Variants in RAB9A observed in about 807,000 individuals in gnomAD.
RAB9A encodes the protein ras-related protein Rab-9A.
A neutral mutation model predicts 10.3 loss-of-function variants in RAB9A; 1 was observed. That is an observed-to-expected ratio of 0.10 (90% CI 0.03 to 0.46). The LOEUF (loss-of-function observed/expected upper bound fraction) is 0.46. RAB9A is among the 20% of genes least tolerant of loss of function. The pLI is 0.96. For missense variants in RAB9A, 92 were observed against 150.3 expected (o/e 0.61, Z 2.03); for synonymous variants, 39 against 55.2 (o/e 0.71, Z 1.30).
chrX:13,693,325 A>G (rs1012268413), intron 1 of RAB9A, among the ~76,000 whole-genome samples: 2 of 112,494 alleles, frequency 1.8e-5, no homozygotes, highest in African/African-American at 6.5e-5. Flanking sequence ...GGCCATCAAC[A>G]GAGAACATTT....
At chrX:13,696,511 A>C (rs1437740076) in intron 1 of RAB9A, among the ~76,000 whole-genome samples, 4 of 112,271 alleles carry the variant, frequency 3.6e-5, no homozygotes, top group Non-Finnish European at 7.5e-5. Context: ...AATTCACTAT[A>C]TACTAGCTGG....
At chrX:13,698,242 C>G (rs1225414706) in intron 1 of RAB9A, among the ~76,000 whole-genome samples, 1 of 100,820 alleles carries the variant, frequency 9.9e-6, no homozygotes, top group African/African-American at 3.7e-5. Context: ...CTTTCCCACT[C>G]CCCCCACCAC....
intron 2 of RAB9A, among the ~76,000 whole-genome samples, chrX:13,708,328 A>C (rs1424360978): frequency 1.8e-5 from 2 of 108,154 alleles, no homozygotes; most frequent in Non-Finnish European, 3.8e-5. Flanking sequence ...CTCAAAAAAA[A>C]AAACAAAACC....
intron 1 of RAB9A, among the ~76,000 whole-genome samples, chrX:13,695,953 A>C (rs1489371158): frequency 9.0e-6 from 1 of 111,152 alleles, no homozygotes; most frequent in East Asian, 2.8e-4. Context: ...ATTAGGAAAC[A>C]TTTTCAAGAG....
At chrX:13,693,423 G>A (rs185953380) in intron 1 of RAB9A, among the ~76,000 whole-genome samples, 3 of 112,001 alleles carry the variant, frequency 2.7e-5, no homozygotes, top group African/African-American at 9.7e-5. Context: ...ATTGGAAGGC[G>A]AGGATGCCTG....
chrX:13,699,791 G>A (rs903987612), intron 1 of RAB9A, among the ~76,000 whole-genome samples: 1 of 111,789 alleles, frequency 8.9e-6, no homozygotes, highest in African/African-American at 3.3e-5. Context: ...ATTGGGACAG[G>A]CTTGTAACTG....
intron 1 of RAB9A, among the ~76,000 whole-genome samples, chrX:13,703,114 G>C (rs1001205067): frequency 8.9e-6 from 1 of 112,741 alleles, no homozygotes; most frequent in Non-Finnish European, 1.9e-5. Flanking sequence ...TAAAGCAAGT[G>C]GTTGAAAGAT....
At chrX:13,691,245 A>G in intron 1 of RAB9A, among the ~76,000 whole-genome samples, 1 of 111,816 alleles carries the variant, frequency 8.9e-6, no homozygotes, top group East Asian at 2.8e-4. Flanking sequence ...CCCAGAGCTT[A>G]CATTTCAACT....
Position 13,693,449 on chromosome X carries a change from A to G in RAB9A, c.-116+4161A>G, listed in dbSNP as rs191108736. 5.2e-3 allele frequency among the ~76,000 whole-genome samples: 584 copies of G among 111,888 alleles called. 5 individuals carry two copies. Among genetic ancestry groups the G allele is most frequent in the African/African-American group, 0.018 (545 of 30,783 alleles). On this transcript the variant is annotated intron_variant, in intron 1 of 2. Transcript: ENST00000464506. ...AGGATGCCTGAGGGAGGAGACGTGGAGCCACCTAGGTGTGTAGGCAGAGGG... is the reference window on the plus strand; with the variant it reads ...AGGATGCCTGAGGGAGGAGACGTGGGGCCACCTAGGTGTGTAGGCAGAGGG...
chrX:13,697,841 T>C (rs746339217), intron 1 of RAB9A, among the ~76,000 whole-genome samples: 9 of 112,117 alleles, frequency 8.0e-5, no homozygotes, highest in Non-Finnish European at 1.7e-4. Context: ...ACCAATGCTC[T>C]CATCCTTATT....
intron 1 of RAB9A, among the ~76,000 whole-genome samples, chrX:13,696,083 C>CTT (rs2046146404): frequency 9.1e-6 from 1 of 109,896 alleles, no homozygotes; most frequent in East Asian, 2.8e-4. Flanking sequence ...AGACACTTTC[C>CTT]CAGTTAGACC....
In RAB9A at chrX:13,710,028, A is replaced by T. The variant is rs1412523154; in HGVS notation, c.*676A>T. The T allele has an allele frequency of 4.9e-5, 6 of 123,453 alleles. No homozygotes were observed. Among genetic ancestry groups the T allele is most frequent in the Non-Finnish European group, 9.4e-5 (5 of 53,320 alleles). 10.2% of individuals were successfully genotyped at this position (123,453 alleles called of 1,213,427 possible). On this transcript the variant is annotated 3_prime_UTR_variant, in exon 3 of 3. Transcript: ENST00000464506. The stretch of plus-strand genomic sequence containing the variant: ...CAAGAGTTGCTTCATACAGTCTGTA[A>T]TACATCCAGCTAAATTCAAGTTGTC...
intron 2 of RAB9A, among the ~76,000 whole-genome samples, chrX:13,707,910 G>A (rs900241074): frequency 4.5e-5 from 5 of 112,058 alleles, no homozygotes; most frequent in African/African-American, 1.3e-4. Context: ...GGCTTTCCTG[G>A]TTAACAGCAC....
At chrX:13,702,042 C>G (rs979384172) in intron 1 of RAB9A, among the ~76,000 whole-genome samples, 1 of 111,204 alleles carries the variant, frequency 9.0e-6, no homozygotes, top group Non-Finnish European at 1.9e-5. Flanking sequence ...GGGTCCCCAT[C>G]ATTCCTAGAG....
chrX:13,696,894 G>T (rs1338903035), intron 1 of RAB9A, among the ~76,000 whole-genome samples: 1 of 112,028 alleles, frequency 8.9e-6, no homozygotes, highest in South Asian at 3.7e-4. Flanking sequence ...CATTGACAAA[G>T]TGACAGTTAC....
At chrX:13,702,907 T>C (rs1192028842) in intron 1 of RAB9A, among the ~76,000 whole-genome samples, 2 of 112,302 alleles carry the variant, frequency 1.8e-5, no homozygotes, top group South Asian at 3.7e-4. Context: ...TAAATACTTA[T>C]TGAAAAATTC....
At chrX:13,701,800 G>A (rs889937474) in intron 1 of RAB9A, among the ~76,000 whole-genome samples, 10 of 111,150 alleles carry the variant, frequency 9.0e-5, no homozygotes, top group African/African-American at 3.0e-4. Flanking sequence ...GGTAAAACAC[G>A]AAGTCATATA....
rs1458996425 is a variant in RAB9A, at chrX:13,710,318, TAAG to T, written c.*970_*972del. The T allele has an allele frequency of 2.4e-5, 3 of 123,924 alleles. No individual in the cohort carries two copies. Among genetic ancestry groups the T allele is most frequent in the African/African-American group, 9.7e-5 (3 of 30,999 alleles). 10.2% of individuals were successfully genotyped at this position (123,924 alleles called of 1,213,427 possible). A position where few individuals can be genotyped will look rare whatever the true frequency, so the allele number is the denominator to read the frequency against. On this transcript the variant is annotated 3_prime_UTR_variant, in exon 3 of 3. Coordinates refer to ENST00000464506, the MANE Select transcript of RAB9A (RefSeq NM_004251.5). Reference sequence around the variant, plus strand: ...ACTTTATCACTCTCAGAAGAAATACTAAGAAGGATTGTACTTTGTGAGAGGGTA... The same window carrying T: ...ACTTTATCACTCTCAGAAGAAATACTAAGGATTGTACTTTGTGAGAGGGTA...
At chrX:13,705,049 G>C (rs1362180509) in intron 2 of RAB9A, among the ~76,000 whole-genome samples, 1 of 112,207 alleles carries the variant, frequency 8.9e-6, no homozygotes, top group Non-Finnish European at 1.9e-5. Context: ...GGCAAATTTT[G>C]AAAATAACGT....
Sources: allele counts gnomAD v4.1 joint callset (sites outside exome capture counted in the v4.1 genomes callset), GRCh38; gene constraint gnomAD v4.1.1; transcripts MANE v1.5; gene names NCBI Gene and HGNC (gene_info 2026-07-23, HGNC 2026-07-21).